Variants in USP29 observed in about 807,000 individuals in gnomAD.
USP29 encodes the protein ubiquitin specific peptidase 29.
For synonymous variants in USP29, 386 were observed against 387.4 expected (o/e 1.00, Z 0.04); for missense variants, 1,102 against 1,069.0 (o/e 1.03, Z -0.43).
At chr19:57,121,615 T>C (rs1161482089) in intron 1 of USP29, among the ~76,000 whole-genome samples, 1 of 146,770 alleles carries the variant, frequency 6.8e-6, no homozygotes, top group Non-Finnish European at 1.5e-5. Context: ...TTATATATGC[T>C]TATATGTATG....
At position 57,130,702 on chromosome 19, in the gene USP29, G is replaced by A; in HGVS notation, c.2027G>A (p.Arg676Lys). The A allele has an allele frequency of 6.2e-7, 1 of 1,614,142 alleles. No homozygotes were observed. Among genetic ancestry groups the A allele is most frequent in the Non-Finnish European group, 8.5e-7 (1 of 1,180,038 alleles). ...GGKLISSPDT[R>K]LVEVHLQEVP... is the part of the protein sequence containing the mutation. ...AAGCTGATCAGCAGCCCAGACACAA[G>A]GCTTGTCGAGGTTCATCTTCAAGAG... Residue 676 changes from arginine to lysine, a missense_variant, in exon 4 of 4, where the codon AGG (arginine) becomes AAG (lysine). Transcript: ENST00000254181.
Position 57,129,883 on chromosome 19 carries a change from A to G in USP29, c.1208A>G (p.Asp403Gly), listed in dbSNP as rs138752815. 8.7e-6 allele frequency: 14 copies of G among 1,614,046 alleles called. No individual in the cohort carries two copies. The African/African-American group carries it at 1.3e-4, about 15-fold the overall frequency. Residue 403 changes from aspartate to glycine, a missense_variant, in exon 4 of 4, where the codon GAT (aspartate) becomes GGT (glycine). Asp to Gly is a moderately conservative substitution (Grantham distance 94). Coordinates refer to ENST00000254181, the MANE Select transcript of USP29 (RefSeq NM_020903.3). ...TTGAATACTGGGAAAGAATGTGGGG[A>G]TGAAAATTCATCTCCACAAATGCAT... ...ATLNTGKECGDENSSPQMHVG... is the reference protein window; with the variant it reads ...ATLNTGKECGGENSSPQMHVG...
rs1217960559 is a variant in USP29, at chr19:57,131,368, C to T, written c.2693C>T (p.Ser898Phe). ...FEELLRKAEN[S>F]RLPSTQAGVI... is the part of the protein sequence containing the mutation. Reference sequence around the variant, plus strand: ...GAGCTGTTAAGAAAAGCAGAGAACTCTCGGCTACCTAGCACACAGGCAGGG... The same window carrying T: ...GAGCTGTTAAGAAAAGCAGAGAACTTTCGGCTACCTAGCACACAGGCAGGG... Residue 898 changes from serine (S) to phenylalanine (F), a missense_variant, in exon 4 of 4, where the codon TCT becomes TTT. Coordinates refer to ENST00000254181, the MANE Select transcript of USP29 (RefSeq NM_020903.3). The T allele has an allele frequency of 1.9e-6, 3 of 1,614,124 alleles. No individual in the cohort carries two copies. The highest frequency in any genetic ancestry group is 4.5e-5 in the East Asian group (2 of 44,878).
intron 3 of USP29, among the ~76,000 whole-genome samples, chr19:57,124,978 T>G (rs2086816545): frequency 6.6e-6 from 1 of 152,232 alleles, no homozygotes; most frequent in African/African-American, 2.4e-5. Context: ...GTTTAATATA[T>G]TCCTAGGATT....
chr19:57,131,447 G>C lies in USP29; in HGVS notation c.*3G>C. 1 of 1,597,350 alleles carries C rather than the reference G, an allele frequency of 6.3e-7. No individual in the cohort carries two copies. The highest frequency in any genetic ancestry group is 1.1e-5 in the South Asian group (1 of 88,362). On this transcript the variant is annotated 3_prime_UTR_variant, in exon 4 of 4. Transcript: ENST00000254181. ...ACTCTTTGTACAGACCTGCTTGACA[G>C]ACTCACTCGGCCTCACTTCATCCTT...
rs375638440 is a variant in USP29, at chr19:57,130,801, C to G, written c.2126C>G (p.Thr709Ser). The change falls in exon 4 of 4, where the codon ACT (threonine) becomes AGT (serine). Residue 709 changes from threonine to serine, a missense_variant. Physicochemically the swap from Thr to Ser is moderately conservative, Grantham distance 58 (BLOSUM62 1). Transcript: ENST00000254181. ...TFVEFNFDSVTESTNGFYDCK... is the reference protein window; with the variant it reads ...TFVEFNFDSVSESTNGFYDCK... Reference sequence around the variant, plus strand: ...GTAGAGTTCAATTTTGACAGTGTCACTGAGTCCACCAATGGCTTTTATGAC... The same window carrying G: ...GTAGAGTTCAATTTTGACAGTGTCAGTGAGTCCACCAATGGCTTTTATGAC... 6.2e-7 allele frequency: 1 copy of G among 1,614,162 alleles called. No individual in the cohort carries two copies. Among genetic ancestry groups the G allele is most frequent in the East Asian group, 2.2e-5 (1 of 44,880 alleles).
Position 57,130,718 on chromosome 19 carries a change from T to A in USP29, c.2043T>A (p.His681Gln). ...CAGACACAAGGCTTGTCGAGGTTCA[T>A]CTTCAAGAGGTGCCTCAACATCCAG... is the stretch of plus-strand genomic sequence containing the variant. ...SSPDTRLVEV[H>Q]LQEVPQHPEL... Residue 681 changes from histidine (H) to glutamine (Q), a missense_variant, in exon 4 of 4, where the codon CAT becomes CAA. Coordinates refer to ENST00000254181, the MANE Select transcript of USP29 (RefSeq NM_020903.3). The A allele has an allele frequency of 1.2e-6, 2 of 1,614,174 alleles. No individual in the cohort carries two copies. Among genetic ancestry groups the A allele is most frequent in the Non-Finnish European group, 1.7e-6 (2 of 1,180,020 alleles).
At chr19:57,121,980 C>A (rs1293902782) in intron 1 of USP29, among the ~76,000 whole-genome samples, 2 of 148,290 alleles carry the variant, frequency 1.3e-5, no homozygotes, top group East Asian at 4.0e-4. Context: ...TAGATAGATA[C>A]ATAGAACATC....
Position 57,130,663 on chromosome 19 carries a change from A to G in USP29, c.1988A>G (p.Tyr663Cys). ...GGAGACATTTCTCTTCCTGTGATGTATGAAGATGGAGGGAAGCTGATCAGC... is the reference window on the plus strand; with the variant it reads ...GGAGACATTTCTCTTCCTGTGATGTGTGAAGATGGAGGGAAGCTGATCAGC... ...DQGDISLPVM[Y>C]EDGGKLISSP... Residue 663 changes from tyrosine (Y) to cysteine (C), a missense_variant, in exon 4 of 4, where the codon TAT becomes TGT. By Grantham distance (194) the Tyr-to-Cys change is radical. Transcript: ENST00000254181. The G allele has an allele frequency of 2.5e-6, 4 of 1,614,192 alleles. No individual in the cohort carries two copies. Among genetic ancestry groups the G allele is most frequent in the Non-Finnish European group, 3.4e-6 (4 of 1,180,044 alleles).
In USP29 at chr19:57,129,796, A is replaced by C; in HGVS notation, c.1121A>C (p.His374Pro). The change falls in exon 4 of 4, where the codon CAT becomes CCT. Residue 374 changes from histidine (H) to proline (P), a missense_variant. Physicochemically the swap from His to Pro is moderately conservative, Grantham distance 77. Transcript: ENST00000254181. ...IFSGNMQNDA[H>P]EFLGQCLDQL... ...TCTGGCAACATGCAGAATGATGCTC[A>C]TGAGTTTTTAGGTCAGTGTTTAGAC... 1 of 1,614,188 alleles carries C rather than the reference A, an allele frequency of 6.2e-7. No individual in the cohort carries two copies.
chr19:57,125,741 T>C (rs542452859), intron 3 of USP29, among the ~76,000 whole-genome samples: 3 of 152,144 alleles, frequency 2.0e-5, no homozygotes, highest in Admixed American at 6.6e-5. Context: ...TATCTTTTAA[T>C]TGGGGGCATT....
In USP29 at chr19:57,130,040, C is replaced by A; in HGVS notation, c.1365C>A (p.Ser455=). The A allele has an allele frequency of 1.2e-6, 2 of 1,614,010 alleles. No homozygotes were observed. The highest frequency in any genetic ancestry group is 1.7e-6 in the Non-Finnish European group (2 of 1,179,988). The part of the protein sequence containing the change: ...VLKVEPNNYL[S]INLHQETKPL... ...AGGTAGAACCTAATAATTATCTCTC[C>A]ATCAACCTGCACCAAGAAACAAAAC... is the stretch of plus-strand genomic sequence containing the variant. Residue 455 remains serine (S), a synonymous_variant, in exon 4 of 4, where the codon TCC becomes TCA. Coordinates refer to ENST00000254181, the MANE Select transcript of USP29 (RefSeq NM_020903.3).
chr19:57,121,486 G>T (rs2086796329), intron 1 of USP29, among the ~76,000 whole-genome samples: 1 of 123,426 alleles, frequency 8.1e-6, no homozygotes, highest in African/African-American at 2.8e-5. Flanking sequence ...ATACTTATAT[G>T]TTATATATAC....
At chr19:57,126,861 T>C (rs1339333106) in intron 3 of USP29, among the ~76,000 whole-genome samples, 3 of 152,172 alleles carry the variant, frequency 2.0e-5, no homozygotes, top group East Asian at 3.9e-4. Context: ...TTTTTCAGCG[T>C]TGTTGTGCTG....
At position 57,129,975 on chromosome 19, in the gene USP29, C is replaced by G; in HGVS notation, c.1300C>G (p.Leu434Val). The G allele has an allele frequency of 6.2e-7, 1 of 1,614,176 alleles. No homozygotes were observed. The change falls in exon 4 of 4, where the codon CTC (leucine) becomes GTC (valine). Residue 434 changes from leucine to valine, a missense_variant. Leu to Val is a conservative substitution (Grantham distance 32, BLOSUM62 1). Coordinates refer to ENST00000254181, the MANE Select transcript of USP29 (RefSeq NM_020903.3). ...VVANFEFELQ[L>V]SLICKACGHA... The stretch of plus-strand genomic sequence containing the variant: ...TGCTAATTTTGAGTTTGAATTGCAG[C>G]TCTCCCTTATTTGTAAAGCTTGTGG...
rs774820363 is a variant in USP29 at position 57,129,713 on chromosome 19, C to A, written c.1038C>A (p.Ile346=). The A allele has an allele frequency of 1.2e-6, 2 of 1,613,738 alleles. No individual in the cohort carries two copies. The highest frequency in any genetic ancestry group is 1.7e-6 in the Non-Finnish European group (2 of 1,179,938). Residue 346 remains isoleucine (I), a synonymous_variant, in exon 4 of 4, where the codon ATC becomes ATA. Coordinates refer to ENST00000254181, the MANE Select transcript of USP29 (RefSeq NM_020903.3). The stretch of plus-strand genomic sequence containing the variant: ...TGAAAGATTTCTGTAGTACAAAGAT[C>A]AAGAGAGAATTACTTGGGAATGTTA... The part of the protein sequence containing the change: ...LALKDFCSTK[I]KRELLGNVKK...
Position 57,130,952 on chromosome 19 carries a change from T to C in USP29, c.2277T>C (p.Asp759=). 2 of 1,614,174 alleles carry C rather than the reference T, an allele frequency of 1.2e-6. No homozygotes were observed. Among genetic ancestry groups the C allele is most frequent in the South Asian group, 2.2e-5 (2 of 91,082 alleles). ...QAPPPGVRKL[D]AQEHTEETLN... ...CACCTCCAGGTGTTAGGAAGCTGGA[T>C]GCCCAGGAACATACAGAAGAGACCC... Residue 759 remains aspartate (D), a synonymous_variant, in exon 4 of 4, where the codon GAT becomes GAC. Transcript: ENST00000254181.
At chr19:57,119,609 G>A (rs1298785109), upstream of USP29, among the ~76,000 whole-genome samples, 2 of 152,098 alleles carry the variant, frequency 1.3e-5, no homozygotes, top group Non-Finnish European at 2.9e-5. Context: ...TTTTAGTAGA[G>A]ACGGGGTTTC....
upstream of USP29, among the ~76,000 whole-genome samples, chr19:57,119,715 G>C (rs919300211): frequency 7.2e-5 from 11 of 152,110 alleles, no homozygotes; most frequent in Non-Finnish European, 1.0e-4. Flanking sequence ...GAGCCACCGC[G>C]CCCGGCCGGG....
Sources: allele counts gnomAD v4.1 joint callset (sites outside exome capture counted in the v4.1 genomes callset), GRCh38; gene constraint gnomAD v4.1.1; transcripts MANE v1.5; gene names NCBI Gene and HGNC (gene_info 2026-07-23, HGNC 2026-07-21).